CLDN14: variants seen among roughly 807,000 people sequenced by gnomAD.
CLDN14 encodes claudin 14.
In CLDN14, 2 loss-of-function variants were observed where a neutral mutation model predicts 2.1. The observed-to-expected ratio is 0.96, with a 90% CI of 0.39 to 3.01. The LOEUF (loss-of-function observed/expected upper bound fraction) is 3.01, where lower values mean the gene tolerates loss of function less well. Among genes scored for constraint, CLDN14 ranks in the 30% most tolerant of loss-of-function variants. CLDN14 has a pLI of 0.09. For synonymous variants in CLDN14, 136 were observed against 154.4 expected, an observed-to-expected ratio of 0.88 and a Z score of 0.88; for missense variants, 298 against 328.0, an observed-to-expected ratio of 0.91 and a Z score of 0.71.
In CLDN14 at chr21:36,506,075, T is replaced by C. The variant is rs146931854; in HGVS notation, c.-82+4288A>G. On this transcript the variant is annotated intron_variant, in intron 2 of 2. Coordinates refer to the CLDN14 transcript ENST00000342108. ...AAGCAAAGACATAAATAATACAGGA[T>C]TCAATACTCTCTGGCTCTTTCTGAG... Among the ~76,000 whole-genome samples the C allele has an allele frequency of 2.6e-5, 4 of 152,330 alleles. No homozygotes were observed. The East Asian group carries it at 7.7e-4, about 29-fold the overall frequency.
chr21:36,474,324 A>G (rs1204148083), intron 1 of CLDN14, among the ~76,000 whole-genome samples: 1 of 152,230 alleles, frequency 6.6e-6, no homozygotes, highest in Non-Finnish European at 1.5e-5. Context: ...TTTGCATCGC[A>G]TTACAGGCGT....
At chr21:36,494,753 C>T (rs963983245) in intron 2 of CLDN14, among the ~76,000 whole-genome samples, 30 of 152,168 alleles carry the variant, frequency 2.0e-4, no homozygotes, top group African/African-American at 7.0e-4. Context: ...CAGGAGAAAC[C>T]CACCCTGTGG....
chr21:36,498,346 A>C lies in CLDN14; in HGVS notation c.-82+12017T>G, dbSNP rs2087058790. Among the ~76,000 whole-genome samples the C allele has an allele frequency of 6.6e-6, 1 of 152,178 alleles. No individual in the cohort carries two copies. ...CGGGACAATTGTGAGTGGAAAGAGA[A>C]GAAAAAAAGTAAAATAATAATACTA... On this transcript the variant is annotated intron_variant, in intron 2 of 2. Transcript: ENST00000342108. The surrounding 1 kb of genome is among the most constrained non-coding windows in gnomAD (Gnocchi z 4.9).
intron 1 of CLDN14, among the ~76,000 whole-genome samples, chr21:36,520,908 T>C (rs2087264593): frequency 6.6e-6 from 1 of 152,104 alleles, no homozygotes; most frequent in Non-Finnish European, 1.5e-5. Flanking sequence ...CCCCATGGAC[T>C]GGGCTCACTG....
upstream of CLDN14, among the ~76,000 whole-genome samples, chr21:36,482,368 T>TGACG (rs777926744): frequency 8.0e-6 from 1 of 124,434 alleles, no homozygotes; most frequent in African/African-American, 3.2e-5. Context: ...ATGGATAGAC[T>TGACG]GACGGATGGA....
At chr21:36,483,201 G>T (rs1371108079), upstream of CLDN14, among the ~76,000 whole-genome samples, 3 of 152,228 alleles carry the variant, frequency 2.0e-5, no homozygotes, top group Non-Finnish European at 4.4e-5. Flanking sequence ...CCCCACTGCA[G>T]CCCTTGCATC....
chr21:36,512,701 A>G (rs2087195687), intron 1 of CLDN14, among the ~76,000 whole-genome samples: 1 of 152,224 alleles, frequency 6.6e-6, no homozygotes. Context: ...GCATGTGAAC[A>G]TATCTGTGTA....
intron 2 of CLDN14, among the ~76,000 whole-genome samples, chr21:36,494,231 G>A (rs148118096): frequency 1.9e-3 from 293 of 152,272 alleles, no homozygotes; most frequent in African/African-American, 6.6e-3. Context: ...AGGATATGAT[G>A]CCAGGGAAGA....
At chr21:36,510,188 A>T (rs1432875610) in intron 2 of CLDN14, among the ~76,000 whole-genome samples, 4 of 152,196 alleles carry the variant, frequency 2.6e-5, no homozygotes, top group Non-Finnish European at 5.9e-5. Flanking sequence ...GCCAGACTGG[A>T]AATACCGGAA....
intron 2 of CLDN14, among the ~76,000 whole-genome samples, chr21:36,509,290 G>T (rs541412431): frequency 1.3e-5 from 2 of 152,228 alleles, no homozygotes; most frequent in African/African-American, 4.8e-5. Context: ...CCACAGGCTG[G>T]AGAACGCAAC....
At position 36,511,707 on chromosome 21, in the gene CLDN14, A is replaced by AT. The variant is rs1351312915; in HGVS notation, c.-219-1208dup. On this transcript the variant is annotated intron_variant, in intron 1 of 2. Transcript: ENST00000342108. ...TTAGCTACTACAGGAAGCCCAGCAGATTCAGATGTACAAGAAGCCACACCA... is the reference window on the plus strand; with the variant it reads ...TTAGCTACTACAGGAAGCCCAGCAGATTTCAGATGTACAAGAAGCCACACCA... Among the ~76,000 whole-genome samples the AT allele has an allele frequency of 6.6e-5, 10 of 152,186 alleles. No individual in the cohort carries two copies. The South Asian group carries it at 1.2e-3, about 19-fold the overall frequency.
At chr21:36,515,182 A>G (rs2087217860) in intron 1 of CLDN14, among the ~76,000 whole-genome samples, 1 of 152,196 alleles carries the variant, frequency 6.6e-6, no homozygotes, top group Admixed American at 6.5e-5. Flanking sequence ...GAACTATTAC[A>G]TGGCCCAGCA....
At chr21:36,476,293 G>A (rs2086778683) in intron 1 of CLDN14, among the ~76,000 whole-genome samples, 1 of 152,006 alleles carries the variant, frequency 6.6e-6, no homozygotes, top group Non-Finnish European at 1.5e-5. Flanking sequence ...TATTTATCTT[G>A]CTGCCTTCTG....
chr21:36,532,021 G>A (rs1248354471), intron 1 of CLDN14: 1 of 152,156 alleles, frequency 6.6e-6, no homozygotes, highest in Non-Finnish European at 1.5e-5. Context: ...CAGTGGCCTT[G>A]AAGTTCTCCA....
intron 2 of CLDN14, among the ~76,000 whole-genome samples, chr21:36,501,485 A>G (rs1390493789): frequency 1.3e-5 from 2 of 151,624 alleles, no homozygotes; most frequent in Non-Finnish European, 2.9e-5. Context: ...TTCAAAGAGC[A>G]CAGACAAGGT....
intron 1 of CLDN14, among the ~76,000 whole-genome samples, chr21:36,563,428 T>A (rs1189299214): frequency 6.6e-6 from 1 of 152,110 alleles, no homozygotes; most frequent in Non-Finnish European, 1.5e-5. Context: ...AAGCAGGGCT[T>A]TTTTCAAAGT....
At chr21:36,526,965 G>A (rs1438503260) in intron 1 of CLDN14, among the ~76,000 whole-genome samples, 1 of 152,154 alleles carries the variant, frequency 6.6e-6, no homozygotes, top group Non-Finnish European at 1.5e-5. Flanking sequence ...CAAAGCACTG[G>A]GTTCCCCAAA....
chr21:36,466,321 G>T (rs1416287164), intron 1 of CLDN14: 2 of 152,188 alleles, frequency 1.3e-5, no homozygotes, highest in Non-Finnish European at 2.9e-5. Context: ...ATGAAGAACT[G>T]CCCGAGACGG....
chr21:36,488,633 C>T (rs117857503), intron 2 of CLDN14, among the ~76,000 whole-genome samples: 3,196 of 50,078 alleles, frequency 0.064, 52 homozygotes, highest in Admixed American at 0.18. Flanking sequence ...GGTAGAATTG[C>T]GGGTGCCAGG....
Sources: allele counts gnomAD v4.1 joint callset (sites outside exome capture counted in the v4.1 genomes callset), GRCh38; gene constraint gnomAD v4.1.1; non-coding constraint Gnocchi (gnomAD v3.1); transcripts MANE v1.5; gene names NCBI Gene and HGNC (gene_info 2026-07-23, HGNC 2026-07-21).